Variants in COL4A3 observed in about 807,000 individuals in gnomAD.
COL4A3 encodes collagen alpha-3(IV) chain.
A neutral mutation model predicts 217.4 loss-of-function variants in COL4A3; 135 were observed. The ratio of observed to expected loss-of-function variants is 0.62; its 90% confidence interval spans 0.54 to 0.72. The LOEUF is 0.72. Among genes scored for constraint, COL4A3 ranks in the 30% least tolerant of loss-of-function variants. The probability of loss-of-function intolerance (pLI) is 0.00; values close to 1 mark genes in which losing one functional copy is unlikely to be tolerated. For synonymous variants in COL4A3, 690 were observed against 736.3 expected (o/e 0.94, Z 1.02); for missense variants, 1,868 against 2,119.9 (o/e 0.88, Z 2.33).
intron 1 of COL4A3, among the ~76,000 whole-genome samples, chr2:227,172,537 T>C (rs1369580215): frequency 6.6e-6 from 1 of 151,098 alleles, no homozygotes; most frequent in Non-Finnish European, 1.5e-5. Context: ...ATCTTCTTTC[T>C]CTTCCTCTTC....
chr2:227,263,886 C>G lies in COL4A3; in HGVS notation c.1257C>G (p.Ser419=). Residue 419 remains serine, a synonymous_variant, in exon 21 of 52, where the codon TCC becomes TCG. Transcript: ENST00000396578. The part of the protein sequence containing the change: ...PGKDAMGTPG[S]PGCAGSPGLP... The stretch of plus-strand genomic sequence containing the variant: ...AGGATGCCATGGGGACTCCTGGGTC[C>G]CCAGGTTGTGCTGGTTCACCAGGTC... The G allele has an allele frequency of 6.2e-7, 1 of 1,614,114 alleles. No homozygotes were observed. The highest frequency in any genetic ancestry group is 8.5e-7 in the Non-Finnish European group (1 of 1,180,016).
intron 24 of COL4A3, 119 bp downstream of exon 24, chr2:227,270,099 C>A (rs1043586319): frequency 1.6e-5 from 12 of 732,380 alleles, no homozygotes; most frequent in Admixed American, 6.1e-5. Context: ...TTAATAGATA[C>A]CTGTTGATTA....
intron 43 of COL4A3, among the ~76,000 whole-genome samples, chr2:227,299,965 T>G (rs1264720711): frequency 1.3e-5 from 2 of 152,212 alleles, no homozygotes; most frequent in Non-Finnish European, 2.9e-5. Flanking sequence ...AAATGCCTAT[T>G]TATTTTCTGC....
chr2:227,172,852 G>A (rs113275076), intron 1 of COL4A3, among the ~76,000 whole-genome samples: 4,538 of 152,164 alleles, frequency 0.03, 125 homozygotes, highest in Non-Finnish European at 0.044. Context: ...CTCCCAAAGG[G>A]CTGGGATTAC....
chr2:227,306,151 A>G (rs1462329291), intron 47 of COL4A3, among the ~76,000 whole-genome samples: 4 of 152,184 alleles, frequency 2.6e-5, no homozygotes, highest in Non-Finnish European at 5.9e-5. Context: ...AATTTTAATG[A>G]CCAAGGCTTT....
chr2:227,224,088 C>T (rs937635209), intron 1 of COL4A3, among the ~76,000 whole-genome samples: 1 of 152,222 alleles, frequency 6.6e-6, no homozygotes. Flanking sequence ...TCGCTCCGAA[C>T]GCAGTCAGCT....
chr2:227,308,098 G>A (rs2106285328), intron 48 of COL4A3, among the ~76,000 whole-genome samples, 179 bp downstream of exon 48: 1 of 152,320 alleles, frequency 6.6e-6, no homozygotes, highest in Admixed American at 6.5e-5. Context: ...ATGTAAAATG[G>A]TGGAAGGAGC....
At chr2:227,234,446 A>G (rs2068579811) in intron 1 of COL4A3, among the ~76,000 whole-genome samples, 1 of 152,264 alleles carries the variant, frequency 6.6e-6, no homozygotes, top group Non-Finnish European at 1.5e-5. Context: ...GTTGTTCATA[A>G]TTCATACATA....
intron 1 of COL4A3, among the ~76,000 whole-genome samples, chr2:227,208,525 A>G (rs887028484): frequency 6.6e-6 from 1 of 152,038 alleles, no homozygotes; most frequent in Non-Finnish European, 1.5e-5. Context: ...CGACCCATGA[A>G]GATTCCATCT....
rs1334047151 is a variant in COL4A3 at position 227,203,465 on chromosome 2, GTA to G, written c.88-34497_88-34496del. Among the ~76,000 whole-genome samples the G allele has an allele frequency of 3.1e-4, 13 of 41,582 alleles. 3 individuals carry two copies. The East Asian group carries it at 3.7e-3, about 12-fold the overall frequency. 27.3% of individuals were successfully genotyped at this position (41,582 alleles called of 152,430 possible). On this transcript the variant is annotated intron_variant, in intron 1 of 51. Coordinates refer to ENST00000396578, the MANE Select transcript of COL4A3 (RefSeq NM_000091.5). The stretch of plus-strand genomic sequence containing the variant: ...TATGTGTATACATACATATATGTGT[GTA>G]TATATGTGTATACATATGTGTGTAT...
At chr2:227,290,685 G>C in intron 36 of COL4A3, 62 bp from the exon 37 acceptor site, 3 of 1,558,248 alleles carry the variant, frequency 1.9e-6, no homozygotes, top group Non-Finnish European at 1.8e-6. Context: ...AAACTGAAAA[G>C]TAGAAAACTT....
At chr2:227,241,581 G>A (rs1477295241) in intron 3 of COL4A3, among the ~76,000 whole-genome samples, 1 of 152,118 alleles carries the variant, frequency 6.6e-6, no homozygotes, top group Non-Finnish European at 1.5e-5. Flanking sequence ...GGCTGAGGTA[G>A]GAGGATTGCT....
In COL4A3 at chr2:227,250,341, TAGA is replaced by T. The variant is rs1376049257; in HGVS notation, c.547-798_547-796del. ...AAATAGGTAGATAGATAAAAGATGA[TAGA>T]TAGATAGATAGATAGATAGATAGAT... On this transcript the variant is annotated intron_variant, in intron 9 of 51. Coordinates refer to ENST00000396578, the MANE Select transcript of COL4A3 (RefSeq NM_000091.5). The surrounding 1 kb of genome is among the most constrained non-coding windows in gnomAD (Gnocchi z 4.1). 3.5e-4 allele frequency among the ~76,000 whole-genome samples: 4 copies of T among 11,578 alleles called. No homozygotes were observed. Among genetic ancestry groups the T allele is most frequent in the Non-Finnish European group, 1.1e-3 (4 of 3,528 alleles). The allele number at this position is 11,578 out of a possible 152,430, so 7.6% of individuals were successfully genotyped here.
intron 9 of COL4A3, 73 bp downstream of exon 9, chr2:227,248,593 C>A: frequency 2.1e-6 from 2 of 967,496 alleles, no homozygotes; most frequent in Non-Finnish European, 3.3e-6. Context: ...CCTCTCTTTA[C>A]TTCGTCTCTC....
chr2:227,272,828 A>C, intron 25 of COL4A3, 121 bp from the exon 26 acceptor site: 1 of 1,085,300 alleles, frequency 9.2e-7, no homozygotes, highest in Non-Finnish European at 1.4e-6. Flanking sequence ...TCAAATGCCA[A>C]ATGCTTTTAA....
Position 227,244,593 on chromosome 2 carries a change from C to T in COL4A3, c.279+229C>T, listed in dbSNP as rs527280758. On this transcript the variant is annotated intron_variant, in intron 4 of 51. Transcript: ENST00000396578. The stretch of plus-strand genomic sequence containing the variant: ...AGGAACCTCTGGAGTGATAAAGATG[C>T]TCTGTGTCTGATGAGATGATGGTAT... Among the ~76,000 whole-genome samples the T allele has an allele frequency of 2.6e-5, 4 of 152,300 alleles. No homozygotes were observed. The South Asian group carries it at 8.3e-4, about 32-fold the overall frequency.
intron 38 of COL4A3, 110 bp from the exon 39 acceptor site, chr2:227,294,380 T>C: frequency 1.2e-6 from 1 of 830,668 alleles, no homozygotes. Context: ...AGAGCTTCCT[T>C]AAGGCCAGCG....
chr2:227,232,095 A>G (rs1002845343), intron 1 of COL4A3, among the ~76,000 whole-genome samples: 4 of 152,200 alleles, frequency 2.6e-5, no homozygotes, highest in Admixed American at 6.5e-5. Context: ...TTCATTTAAC[A>G]TAGTGATCTC....
Position 227,247,456 on chromosome 2 carries a change from A to G in COL4A3, c.442-102A>G, listed in dbSNP as rs80354712. ...CTTTGTAAGGCCGTGGGAGGTGTAC[A>G]GTGGGGAGAGGATACACAATAGCAG... is the stretch of plus-strand genomic sequence containing the variant. On this transcript the variant is annotated intron_variant, in intron 7 of 51. Transcript: ENST00000396578. 4.9e-3 allele frequency: 5,132 copies of G among 1,045,636 alleles called. 166 individuals carry two copies. The African/African-American group carries it at 0.071, about 14-fold the overall frequency. 64.8% of individuals were successfully genotyped at this position (1,045,636 alleles called of 1,614,324 possible).
Sources: gnomAD v4.1 joint callset for allele counts (sites outside exome capture counted in the v4.1 genomes callset) on GRCh38, gnomAD v4.1.1 for gene constraint, Gnocchi (gnomAD v3.1) non-coding constraint, MANE v1.5 for transcripts, NCBI Gene and HGNC (gene_info 2026-07-23, HGNC 2026-07-21) for gene names.